SOD2: variants seen among roughly 807,000 people sequenced by gnomAD.
The protein encoded by SOD2 is superoxide dismutase 2.
Under a neutral mutation model 27.0 loss-of-function variants are expected in SOD2, and 11 were observed. The ratio of observed to expected loss-of-function variants is 0.41; its 90% CI spans 0.26 to 0.67. SOD2 has a LOEUF of 0.67. Among genes scored for constraint, SOD2 ranks in the 30% least tolerant of loss-of-function variants. SOD2 has a pLI of 0.34. For missense variants in SOD2, 250 were observed against 274.5 expected (o/e 0.91, Z 0.63); for synonymous variants, 105 against 103.0 (o/e 1.02, Z -0.12).
chr6:159,685,594 T>C (rs970597593), intron 3 of SOD2, among the ~76,000 whole-genome samples: 1 of 152,098 alleles, frequency 6.6e-6, no homozygotes, highest in Non-Finnish European at 1.5e-5. Flanking sequence ...TACACGGGTA[T>C]CATATGATGC....
At chr6:159,712,298 A>G (rs1270218206) in intron 1 of SOD2, among the ~76,000 whole-genome samples, 15 of 141,492 alleles carry the variant, frequency 1.1e-4, no homozygotes, top group South Asian at 2.4e-4. Flanking sequence ...CACCATAACC[A>G]CCTCCATAAC....
At chr6:159,721,675 CTTTTTTTTTTTTTT>C (rs55950207) in intron 1 of SOD2, among the ~76,000 whole-genome samples, 18 of 82,252 alleles carry the variant, frequency 2.2e-4, no homozygotes, top group Admixed American at 2.2e-3. Context: ...TGCGGCTGAC[CTTTTTTTTTTTTTT>C]TTTTTTTTTT....
intron 3 of SOD2, among the ~76,000 whole-genome samples, chr6:159,685,553 T>A (rs1249484352): frequency 6.6e-6 from 1 of 152,056 alleles, no homozygotes; most frequent in African/African-American, 2.4e-5. Flanking sequence ...AAATTTTATT[T>A]TAAATTCAGA....
upstream of SOD2, among the ~76,000 whole-genome samples, chr6:159,697,556 A>C (rs1334991306): frequency 1.3e-5 from 2 of 152,204 alleles, no homozygotes; most frequent in Non-Finnish European, 2.9e-5. Context: ...AAAGGAAAGG[A>C]GGAGCTTGGT....
rs142840019 is a variant in SOD2, at chr6:159,675,996, A to G, written c.*6497T>C. The G allele has an allele frequency of 6.6e-6, 1 of 152,364 alleles. No homozygotes were observed. The highest frequency in any genetic ancestry group is 2.4e-5 in the African/African-American group (1 of 41,596). 9.4% of individuals were successfully genotyped at this position (152,364 alleles called of 1,614,324 possible). A position where few individuals can be genotyped will look rare whatever the true frequency, so the allele number is the denominator to read the frequency against. Reference sequence around the variant, plus strand: ...TGCATCCAACAGACACATGAAAAAAATGCTCATCATCATGGGCCATCAGAG... The same window carrying G: ...TGCATCCAACAGACACATGAAAAAAGTGCTCATCATCATGGGCCATCAGAG... On this transcript the variant is annotated 3_prime_UTR_variant, in exon 5 of 5. Transcript: ENST00000538183.
chr6:159,697,282 GTTT>G (rs532780267), upstream of SOD2, among the ~76,000 whole-genome samples: 9 of 151,890 alleles, frequency 5.9e-5, no homozygotes, highest in African/African-American at 2.2e-4. Flanking sequence ...GGTTTGTGGG[GTTT>G]TTTTCTGCTT....
At chr6:159,748,037 A>G (rs1779680255), upstream of SOD2, among the ~76,000 whole-genome samples, 1 of 152,130 alleles carries the variant, frequency 6.6e-6, no homozygotes. The surrounding 1 kb of genome is among the most constrained non-coding windows in gnomAD (Gnocchi z 5.6). Context: ...CTTTTTCTAG[A>G]AAGTTTTAAG....
At chr6:159,740,145 A>G (rs1235983172) in intron 1 of SOD2, among the ~76,000 whole-genome samples, 1 of 151,460 alleles carries the variant, frequency 6.6e-6, no homozygotes, top group Non-Finnish European at 1.5e-5. Context: ...ATGCCTGGCC[A>G]TGATTTTTTT....
chr6:159,698,229 C>T (rs1014779157), upstream of SOD2, among the ~76,000 whole-genome samples: 1 of 151,804 alleles, frequency 6.6e-6, no homozygotes, highest in Admixed American at 6.6e-5. Context: ...GCTGAGATCT[C>T]GCCACTGCAC....
chr6:159,715,648 T>C lies in SOD2; in HGVS notation c.-116+11481A>G, dbSNP rs1198017963. On this transcript the variant is annotated intron_variant, in intron 1 of 2. Transcript: ENST00000401980. Reference sequence around the variant, plus strand: ...GGCATGGTGGCTCACGCCTGTAATCTTAACACTTTGGGAGGTCAAGGTGGG... The same window carrying C: ...GGCATGGTGGCTCACGCCTGTAATCCTAACACTTTGGGAGGTCAAGGTGGG... Among the ~76,000 whole-genome samples, 3 of 152,312 alleles carry C rather than the reference T, an allele frequency of 2.0e-5. No individual in the cohort carries two copies. The East Asian group carries it at 5.8e-4, about 29-fold the overall frequency.
intron 1 of SOD2, chr6:159,760,620 CG>C (rs1780103769): frequency 6.6e-6 from 1 of 152,116 alleles, no homozygotes; most frequent in Non-Finnish European, 1.5e-5. Context: ...GCTTAGGAGA[CG>C]AGGTTAGATG....
chr6:159,734,192 T>C (rs551195237), intron 1 of SOD2, among the ~76,000 whole-genome samples: 1 of 152,172 alleles, frequency 6.6e-6, no homozygotes, highest in South Asian at 2.1e-4. Context: ...TTGTTTGTTT[T>C]AATGAGAGAC....
chr6:159,705,565 A>C (rs1178969453), intron 1 of SOD2, among the ~76,000 whole-genome samples: 2 of 147,346 alleles, frequency 1.4e-5, no homozygotes, highest in African/African-American at 5.0e-5. Flanking sequence ...AAGAGAAGTT[A>C]AGAGAAAAAA....
chr6:159,725,356 C>T (rs1374065257), intron 1 of SOD2, among the ~76,000 whole-genome samples: 2 of 151,860 alleles, frequency 1.3e-5, no homozygotes, highest in East Asian at 3.9e-4. Context: ...TGGCGCATGC[C>T]TGTAATCCCA....
chr6:159,723,801 C>G (rs1490132912), intron 1 of SOD2, among the ~76,000 whole-genome samples: 1 of 152,158 alleles, frequency 6.6e-6, no homozygotes, highest in Non-Finnish European at 1.5e-5. Context: ...GTCTGTTGCC[C>G]AAGCTGTAGT....
At chr6:159,710,980 T>C (rs866684695) in intron 1 of SOD2, among the ~76,000 whole-genome samples, 98 of 98,774 alleles carry the variant, frequency 9.9e-4, no homozygotes, top group African/African-American at 1.6e-3. Context: ...ACCACCTCCA[T>C]AACCACCACT....
upstream of SOD2, among the ~76,000 whole-genome samples, chr6:159,696,297 C>A (rs574007551): frequency 6.6e-6 from 1 of 152,238 alleles, no homozygotes; most frequent in South Asian, 2.1e-4. Flanking sequence ...AAAGTCTGGG[C>A]TCCCACTGTC....
chr6:159,758,862 T>G (rs900623374), intron 1 of SOD2, among the ~76,000 whole-genome samples: 5 of 152,142 alleles, frequency 3.3e-5, no homozygotes, highest in Admixed American at 3.3e-4. Flanking sequence ...TTTATGAAAC[T>G]TAACCAAGAA....
chr6:159,749,035 A>C (rs1056687608), upstream of SOD2: 6 of 995,724 alleles, frequency 6.0e-6, no homozygotes, highest in Non-Finnish European at 7.2e-6. Context: ...CATATATTTA[A>C]CCATTTAGTT....
Sources: gnomAD v4.1 joint callset for allele counts (sites outside exome capture counted in the v4.1 genomes callset) on GRCh38, gnomAD v4.1.1 for gene constraint, Gnocchi (gnomAD v3.1) non-coding constraint, MANE v1.5 for transcripts, NCBI Gene and HGNC (gene_info 2026-07-23, HGNC 2026-07-21) for gene names.